PIEZO2: variants seen among roughly 807,000 people sequenced by gnomAD.
PIEZO2 encodes piezo type mechanosensitive ion channel component 2.
Under a neutral mutation model 337.3 loss-of-function variants are expected in PIEZO2, and 172 were observed. That is an observed-to-expected ratio of 0.51 (90% CI 0.45 to 0.58). The LOEUF is 0.58. PIEZO2 is among the 20% of genes least tolerant of loss of function. PIEZO2 has a pLI of 0.00. For synonymous variants in PIEZO2, 1,251 were observed against 1,228.5 expected, an observed-to-expected ratio of 1.02 and a Z score of -0.38; for missense variants, 3,028 against 3,391.3, an observed-to-expected ratio of 0.89 and a Z score of 2.66.
At position 10,834,125 on chromosome 18, in the gene PIEZO2, A is replaced by T. The variant is rs886493151; in HGVS notation, c.917+21228T>A. On this transcript the variant is annotated intron_variant, in intron 7 of 55. Transcript: ENST00000674853. This position sits in a 1 kb window ranked among gnomAD's most constrained non-coding sequence, Gnocchi z 4.5. The stretch of plus-strand genomic sequence containing the variant: ...AGGGTAAGTGGGGTGTCCATCACCT[A>T]CAGCGTTGATCAGTTCCTTGTGTTA... Among the ~76,000 whole-genome samples the T allele has an allele frequency of 6.6e-6, 1 of 152,230 alleles. No homozygotes were observed. Among genetic ancestry groups the T allele is most frequent in the Admixed American group, 6.5e-5 (1 of 15,286 alleles).
Position 10,726,884 on chromosome 18 carries a change from T to G in PIEZO2, c.5029+4523A>C, listed in dbSNP as rs1007100074. ...CGCTACCGGCAGCAGCTGAAGCACA[T>G]CATGGCCACCAACCGGCTGGATGTG... On this transcript the variant is annotated intron_variant, in intron 36 of 55. Coordinates refer to ENST00000674853, the MANE Select transcript of PIEZO2 (RefSeq NM_001378183.1). The surrounding 1 kb of genome is among the most constrained non-coding windows in gnomAD (Gnocchi z 5.9). 1.3e-6 allele frequency: 2 copies of G among 1,596,512 alleles called. No homozygotes were observed. Among genetic ancestry groups the G allele is most frequent in the Non-Finnish European group, 8.6e-7 (1 of 1,167,704 alleles).
chr18:10,857,683 A>G (rs1452792914), intron 5 of PIEZO2, among the ~76,000 whole-genome samples: 1 of 152,162 alleles, frequency 6.6e-6, no homozygotes, highest in African/African-American at 2.4e-5. Flanking sequence ...CACTATTTCC[A>G]TATTTCCTGA....
At position 10,724,489 on chromosome 18, in the gene PIEZO2, G is replaced by C. The variant is rs142047950; in HGVS notation, c.5030-6230C>G. 2.4e-6 allele frequency: 1 copy of C among 408,690 alleles called. No homozygotes were observed. The highest frequency in any genetic ancestry group is 4.3e-6 in the Non-Finnish European group (1 of 232,786). 25.3% of individuals were successfully genotyped at this position (408,690 alleles called of 1,614,324 possible). On this transcript the variant is annotated intron_variant, in intron 36 of 55. Coordinates refer to ENST00000674853, the MANE Select transcript of PIEZO2 (RefSeq NM_001378183.1). This position sits in a 1 kb window ranked among gnomAD's most constrained non-coding sequence, Gnocchi z 5.8. ...AGCCTGGGCCCACCAAAGGCAATGCGGAGTACAGGGCCTGCTGGTCCTCTG... is the reference window on the plus strand; with the variant it reads ...AGCCTGGGCCCACCAAAGGCAATGCCGAGTACAGGGCCTGCTGGTCCTCTG...
rs2040248610 is a variant in PIEZO2, at chr18:10,813,098, G to T, written c.918-5824C>A. 6.6e-6 allele frequency among the ~76,000 whole-genome samples: 1 copy of T among 151,674 alleles called. No individual in the cohort carries two copies. Among genetic ancestry groups the T allele is most frequent in the African/African-American group, 2.4e-5 (1 of 41,246 alleles). On this transcript the variant is annotated intron_variant, in intron 7 of 55. Coordinates refer to ENST00000674853, the MANE Select transcript of PIEZO2 (RefSeq NM_001378183.1). The surrounding 1 kb of genome is among the most constrained non-coding windows in gnomAD (Gnocchi z 4.2). ...CGGCTCAAGTGATTCTCCTGCCTCA[G>T]CCTCCGGAGTATCTAGGATTACAGG...
In PIEZO2 at chr18:10,720,533, C is replaced by T. The variant is rs2143952074; in HGVS notation, c.5030-2274G>A. Reference sequence around the variant, plus strand: ...AGTGCAATGGTGTGATCATAGCTCACTGCAGCCTTGACCTCCAGGGCCCAA... The same window carrying T: ...AGTGCAATGGTGTGATCATAGCTCATTGCAGCCTTGACCTCCAGGGCCCAA... On this transcript the variant is annotated intron_variant, in intron 36 of 55. Transcript: ENST00000674853. 2.8e-5 allele frequency among the ~76,000 whole-genome samples: 4 copies of T among 144,864 alleles called. No individual in the cohort carries two copies. In the Middle Eastern group the frequency reaches 0.014, roughly 507 times the overall value.
chr18:10,803,147 A>G lies in PIEZO2; in HGVS notation c.1200+728T>C, dbSNP rs921908210. ...CTACATTAAAACCCATTGGCATATC[A>G]TGCACCCCGACTGGATCATTTATCC... is the stretch of plus-strand genomic sequence containing the variant. On this transcript the variant is annotated intron_variant, in intron 9 of 55. Coordinates refer to ENST00000674853, the MANE Select transcript of PIEZO2 (RefSeq NM_001378183.1). 5.5e-4 allele frequency among the ~76,000 whole-genome samples: 83 copies of G among 152,086 alleles called. 2 individuals are homozygous for G. The highest frequency in any genetic ancestry group is 1.0e-4 in the Non-Finnish European group (7 of 68,020).
At chr18:11,137,739 T>C (rs2040531212) in intron 1 of PIEZO2, among the ~76,000 whole-genome samples, 1 of 152,198 alleles carries the variant, frequency 6.6e-6, no homozygotes, top group Non-Finnish European at 1.5e-5. Flanking sequence ...TTCACTTCCG[T>C]GGTGCTTCAG....
intron 13 of PIEZO2, chr18:10,791,548 C>A (rs1005315383): frequency 5.8e-6 from 2 of 345,202 alleles, no homozygotes; most frequent in South Asian, 3.7e-5. Context: ...AGAAGCACCA[C>A]GCAAGTCCTG....
rs2034322485 is a variant in PIEZO2, at chr18:10,973,471, A to AGCACTTAAG, written c.286+6055_286+6063dup. ...TCAATCACCAGGGGTGGAAGAAAAC[A>AGCACTTAAG]GCACTTAAGGCAAAGTTCTCCTATA... On this transcript the variant is annotated intron_variant, in intron 3 of 55. Transcript: ENST00000674853. The surrounding 1 kb of genome is among the most constrained non-coding windows in gnomAD (Gnocchi z 4.9). 1.3e-5 allele frequency among the ~76,000 whole-genome samples: 2 copies of AGCACTTAAG among 152,390 alleles called. No individual in the cohort carries two copies. The highest frequency in any genetic ancestry group is 1.3e-4 in the Admixed American group (2 of 15,310).
At chr18:11,068,806 C>T (rs1044949097) in intron 1 of PIEZO2, among the ~76,000 whole-genome samples, 1 of 151,728 alleles carries the variant, frequency 6.6e-6, no homozygotes, top group Non-Finnish European at 1.5e-5. Flanking sequence ...ACAGAAGATG[C>T]AAAAAATTAA....
rs929670158 is a variant in PIEZO2 at position 11,001,889 on chromosome 18, A to G, written c.161-22229T>C. Among the ~76,000 whole-genome samples, 1 of 148,134 alleles carries G rather than the reference A, an allele frequency of 6.8e-6. No individual in the cohort carries two copies. Among genetic ancestry groups the G allele is most frequent in the African/African-American group, 2.5e-5 (1 of 39,392 alleles). On this transcript the variant is annotated intron_variant, in intron 2 of 55. Transcript: ENST00000674853. This position sits in a 1 kb window ranked among gnomAD's most constrained non-coding sequence, Gnocchi z 5.3. ...CGAGATTCAAAAAAGAAAAAGGAGA[A>G]AAAGGGAAGGAAGGAAGAAGGAAGG...
intron 1 of PIEZO2, among the ~76,000 whole-genome samples, chr18:11,088,937 C>T (rs2146027326): frequency 6.6e-6 from 1 of 152,282 alleles, no homozygotes; most frequent in Non-Finnish European, 1.5e-5. Flanking sequence ...GAAATGGACT[C>T]CAAATGGGAA....
chr18:10,671,386 G>GAT lies in PIEZO2; in HGVS notation c.*139_*140dup, dbSNP rs1301245509. ...TGCAAGGTAGCTTTTACTGCAGAAG[G>GAT]ATATCAGCTCCTTTTGTCTACCTAT... On this transcript the variant is annotated 3_prime_UTR_variant, in exon 56 of 56. Coordinates refer to ENST00000674853, the MANE Select transcript of PIEZO2 (RefSeq NM_001378183.1). The GAT allele has an allele frequency of 1.2e-6, 1 of 857,996 alleles. No homozygotes were observed. Among genetic ancestry groups the GAT allele is most frequent in the Non-Finnish European group, 1.7e-6 (1 of 585,604 alleles). 53.1% of individuals were successfully genotyped at this position (857,996 alleles called of 1,614,324 possible).
At chr18:11,040,274 G>GAAA (rs1362988657) in intron 2 of PIEZO2, among the ~76,000 whole-genome samples, 1 of 151,966 alleles carries the variant, frequency 6.6e-6, no homozygotes, top group Admixed American at 6.5e-5. Flanking sequence ...TACTCCTTTA[G>GAAA]CACTGTTTCT....
chr18:10,860,313 C>G (rs1322035560), intron 5 of PIEZO2, among the ~76,000 whole-genome samples: 2 of 152,200 alleles, frequency 1.3e-5, no homozygotes, highest in African/African-American at 4.8e-5. Context: ...ATGCCATCTC[C>G]TTGCCTGTCA....
chr18:11,104,368 C>A lies in PIEZO2; in HGVS notation c.65-38146G>T, dbSNP rs576873410. On this transcript the variant is annotated intron_variant, in intron 1 of 55. Coordinates refer to ENST00000674853, the MANE Select transcript of PIEZO2 (RefSeq NM_001378183.1). The surrounding 1 kb of genome is among the most constrained non-coding windows in gnomAD (Gnocchi z 4.6). ...AGCCAGGAGGCTCTTTCTCCTAGAC[C>A]AAGACAGTCTGATTTGTGTCTTTTG... Among the ~76,000 whole-genome samples, 104 of 152,306 alleles carry A rather than the reference C, an allele frequency of 6.8e-4. 1 individual carries two copies. The highest frequency in any genetic ancestry group is 2.5e-3 in the African/African-American group (104 of 41,564).
Position 10,857,149 on chromosome 18 carries a change from T to G in PIEZO2, c.555A>C (p.Gly185=). ...ALIYEEDFNG[G]DGVEGELEES... ...CTTCCAACTCGCCTTCAACACCATC[T>G]CCTCCATTGAAATCCTCTTCATAGA... is the stretch of plus-strand genomic sequence containing the variant. The change falls in exon 6 of 56, where the codon GGA becomes GGC. Residue 185 remains glycine, a synonymous_variant. Coordinates refer to ENST00000674853, the MANE Select transcript of PIEZO2 (RefSeq NM_001378183.1). The G allele has an allele frequency of 6.5e-7, 1 of 1,537,878 alleles. No homozygotes were observed. Among genetic ancestry groups the G allele is most frequent in the South Asian group, 1.2e-5 (1 of 84,066 alleles).
intron 3 of PIEZO2, among the ~76,000 whole-genome samples, chr18:10,913,088 T>A (rs924258086): frequency 6.6e-6 from 1 of 152,096 alleles, no homozygotes; most frequent in Non-Finnish European, 1.5e-5. Context: ...CAATTAAGAA[T>A]CCCTTTCTCA....
At chr18:10,965,373 T>C (rs1357523432) in intron 3 of PIEZO2, among the ~76,000 whole-genome samples, 4 of 152,214 alleles carry the variant, frequency 2.6e-5, no homozygotes, top group Non-Finnish European at 1.5e-5. Context: ...CATTGCAGTT[T>C]GGATTTGTAC....
Sources: allele counts gnomAD v4.1 joint callset (sites outside exome capture counted in the v4.1 genomes callset), GRCh38; gene constraint gnomAD v4.1.1; non-coding constraint Gnocchi (gnomAD v3.1); transcripts MANE v1.5; gene names NCBI Gene and HGNC (gene_info 2026-07-23, HGNC 2026-07-21).